The following PVT1 variants were observed in gnomAD, a reference collection of about 807,000 sequenced individuals.
PVT1 encodes Pvt1 oncogene.
intron 3 of PVT1, among the ~76,000 whole-genome samples, chr8:127,984,475 C>G (rs1260653193): frequency 1.3e-5 from 2 of 152,192 alleles, no homozygotes; most frequent in Non-Finnish European, 2.9e-5. Flanking sequence ...GGAATAAGGA[C>G]AACAATTAGA....
At chr8:128,005,282 CGTTAGT>C (rs1817232794) in intron 4 of PVT1, among the ~76,000 whole-genome samples, 1 of 152,166 alleles carries the variant, frequency 6.6e-6, no homozygotes, top group African/African-American at 2.4e-5. Context: ...CATCAGCTAT[CGTTAGT>C]GTTAGTGTAT....
chr8:127,928,787 A>G (rs1816163782), intron 3 of PVT1, among the ~76,000 whole-genome samples: 1 of 152,206 alleles, frequency 6.6e-6, no homozygotes, highest in Non-Finnish European at 1.5e-5. Flanking sequence ...AGGGGCTGAG[A>G]ATAAGCCTGT....
chr8:128,013,718 A>T (rs920214291), intron 4 of PVT1, among the ~76,000 whole-genome samples: 6 of 152,204 alleles, frequency 3.9e-5, no homozygotes, highest in African/African-American at 1.4e-4. Flanking sequence ...TGTCACCTGC[A>T]TTCTTTCTTT....
intron 3 of PVT1, among the ~76,000 whole-genome samples, chr8:127,955,078 G>A (rs1452218814): frequency 6.6e-6 from 1 of 152,158 alleles, no homozygotes; most frequent in Non-Finnish European, 1.5e-5. Flanking sequence ...AATATGACTG[G>A]ATTTGAAGGT....
intron 2 of PVT1, among the ~76,000 whole-genome samples, chr8:127,812,487 G>A (rs1814608809): frequency 6.6e-6 from 1 of 151,880 alleles, no homozygotes; most frequent in Non-Finnish European, 1.5e-5. Context: ...TTGAGGATGG[G>A]AAGTTGAGGC....
At chr8:127,948,243 G>A (rs1391627003) in intron 3 of PVT1, 3 of 316,766 alleles carry the variant, frequency 9.5e-6, no homozygotes, top group East Asian at 7.7e-5. Flanking sequence ...CTGCTGAGTG[G>A]TGGAGCACAG....
chr8:128,049,540 C>T (rs961230218), intron 4 of PVT1, among the ~76,000 whole-genome samples: 1 of 152,192 alleles, frequency 6.6e-6, no homozygotes, highest in Non-Finnish European at 1.5e-5. Flanking sequence ...CCGTGGGCCC[C>T]TCCAGGTCCA....
At chr8:127,936,341 C>A (rs1816274593) in intron 3 of PVT1, among the ~76,000 whole-genome samples, 1 of 152,034 alleles carries the variant, frequency 6.6e-6, no homozygotes, top group Admixed American at 6.5e-5. Context: ...CGTGAGCCAC[C>A]CCACCTGGTC....
At chr8:127,895,642 A>G (rs1163590485) in intron 3 of PVT1, among the ~76,000 whole-genome samples, 3 of 152,208 alleles carry the variant, frequency 2.0e-5, no homozygotes, top group Admixed American at 2.0e-4. Flanking sequence ...TTAGAAGGTC[A>G]AAGCATATAG....
chr8:128,087,173 G>T (rs1196263703), intron 5 of PVT1, among the ~76,000 whole-genome samples: 1 of 152,122 alleles, frequency 6.6e-6, no homozygotes, highest in Non-Finnish European at 1.5e-5. Context: ...AGGAAACTGA[G>T]GTGAAACTTC....
chr8:127,849,471 GGATCCTATGAAAAACTC>G (rs1411377642), intron 2 of PVT1, among the ~76,000 whole-genome samples: 1 of 152,166 alleles, frequency 6.6e-6, no homozygotes, highest in Non-Finnish European at 1.5e-5. Flanking sequence ...GATAAAGGTA[GGATCCTATGAAAAACTC>G]CTAGGGCCTT....
intron 2 of PVT1, among the ~76,000 whole-genome samples, chr8:127,812,631 A>AGGAAGGAAGGAAGGGAAGGGAAG (rs1814611034): frequency 7.0e-6 from 1 of 142,962 alleles, no homozygotes; most frequent in Non-Finnish European, 1.5e-5. Flanking sequence ...GGAGAGAGGA[A>AGGAAGGAAGGAAGGGAAGGGAAG]GGAAGGAAGG....
rs575325883 is a variant in PVT1 at position 128,049,475 on chromosome 8, GC to G, written n.913-20684del. ...ATTCTGTGGCTCTGTAGGGTGAAGG[GC>G]ACTGGAGACCTACCAGGGGCTGGGC... is the stretch of plus-strand genomic sequence containing the variant. On this transcript the variant is annotated intron_variant and non_coding_transcript_variant, in intron 4 of 10. Transcript: ENST00000651587. 1.1e-3 allele frequency among the ~76,000 whole-genome samples: 163 copies of G among 152,318 alleles called. 1 individual carries two copies. Among genetic ancestry groups the G allele is most frequent in the African/African-American group, 3.7e-3 (153 of 41,562 alleles).
At chr8:127,881,998 C>T (rs542787734) in intron 2 of PVT1, among the ~76,000 whole-genome samples, 1 of 152,360 alleles carries the variant, frequency 6.6e-6, no homozygotes, top group South Asian at 2.1e-4. Flanking sequence ...CCTCCACCTT[C>T]CAAAGTGCTA....
chr8:128,042,907 G>A (rs1395897502), intron 4 of PVT1, among the ~76,000 whole-genome samples: 2 of 151,966 alleles, frequency 1.3e-5, no homozygotes, highest in African/African-American at 2.4e-5. Flanking sequence ...GGGATTACAG[G>A]CTTGCACCAC....
At chr8:128,029,964 A>T (rs1176093591) in intron 4 of PVT1, among the ~76,000 whole-genome samples, 1 of 152,168 alleles carries the variant, frequency 6.6e-6, no homozygotes, top group Non-Finnish European at 1.5e-5. Context: ...TTTTTAAAAA[A>T]TTAGCTGGAC....
At chr8:127,920,901 T>C (rs895378386) in intron 3 of PVT1, among the ~76,000 whole-genome samples, 1 of 152,218 alleles carries the variant, frequency 6.6e-6, no homozygotes, top group African/African-American at 2.4e-5. Flanking sequence ...AGATGTTGAC[T>C]TGTGAGTGTG....
intron 3 of PVT1, among the ~76,000 whole-genome samples, chr8:127,956,584 A>C (rs1022057615): frequency 6.6e-6 from 1 of 152,206 alleles, no homozygotes; most frequent in African/African-American, 2.4e-5. Context: ...TCCTGAGTTC[A>C]AGCGATTCTC....
intron 3 of PVT1, among the ~76,000 whole-genome samples, chr8:127,903,965 G>A (rs1445606530): frequency 6.6e-6 from 1 of 152,194 alleles, no homozygotes. Context: ...TGTGAAAAAT[G>A]ATGTTGATAG....
Sources: gnomAD v4.1 joint callset for allele counts (sites outside exome capture counted in the v4.1 genomes callset) on GRCh38, gnomAD v4.1.1 for gene constraint, MANE v1.5 for transcripts, NCBI Gene and HGNC (gene_info 2026-07-23, HGNC 2026-07-21) for gene names.